The following UMODL1 variants were observed in gnomAD, a reference collection of about 807,000 sequenced individuals.
UMODL1 encodes uromodulin like 1, also known as uromodulin-like 1.
UMODL1 carries 128 observed loss-of-function variants against 136.3 expected under a neutral mutation model. That is an observed-to-expected ratio of 0.94 (90% CI 0.81 to 1.09). UMODL1 has a LOEUF of 1.09. UMODL1 is among the 50% of genes least tolerant of loss of function. The pLI, the probability that UMODL1 is intolerant of heterozygous loss-of-function variation, is 0.00. For missense variants in UMODL1, 1,766 were observed against 1,725.6 expected, an observed-to-expected ratio of 1.02 and a Z score of -0.41; for synonymous variants, 721 against 720.0, an observed-to-expected ratio of 1.00 and a Z score of -0.02.
At chr21:42,097,214 C>T (rs1396728762) in intron 6 of UMODL1, among the ~76,000 whole-genome samples, 10 of 152,222 alleles carry the variant, frequency 6.6e-5, no homozygotes, top group Admixed American at 6.5e-4. Flanking sequence ...ACATTCTACC[C>T]CACATCCTAG....
intron 7 of UMODL1, among the ~76,000 whole-genome samples, chr21:42,101,154 A>C (rs1200950123): frequency 6.6e-6 from 1 of 151,500 alleles, no homozygotes; most frequent in Admixed American, 6.6e-5. Context: ...GCCTTGTCTA[A>C]TTCCACCTTG....
At chr21:42,116,053 G>A (rs564489679) in intron 14 of UMODL1, 68 bp downstream of exon 14, 2 of 1,325,174 alleles carry the variant, frequency 1.5e-6, no homozygotes, top group African/African-American at 2.9e-5. Context: ...TAGAATTCTA[G>A]GTTAGGCACG....
At chr21:42,111,965 G>A (rs972099057) in intron 12 of UMODL1, among the ~76,000 whole-genome samples, 1 of 152,082 alleles carries the variant, frequency 6.6e-6, no homozygotes, top group African/African-American at 2.4e-5. Context: ...GCAGCAGCTG[G>A]GGCGGAGGTC....
intron 17 of UMODL1, among the ~76,000 whole-genome samples, chr21:42,124,032 C>T: frequency 6.6e-6 from 1 of 152,192 alleles, no homozygotes; most frequent in South Asian, 2.1e-4. Context: ...GCCAGTGCGT[C>T]CTGGGTCTAC....
At chr21:42,113,231 CAAGAGT>C in intron 12 of UMODL1, 1 of 199,906 alleles carries the variant, frequency 5.0e-6, no homozygotes, top group Non-Finnish European at 1.0e-5. Flanking sequence ...ACCCAGGGGT[CAAGAGT>C]AGACAGTCCA....
chr21:42,117,546 T>C (rs1195801991), intron 14 of UMODL1, among the ~76,000 whole-genome samples: 2 of 152,212 alleles, frequency 1.3e-5, no homozygotes, highest in Non-Finnish European at 2.9e-5. Flanking sequence ...CTAGTGATTT[T>C]GTTTGCACGG....
chr21:42,121,579 C>T (rs780430743), intron 16 of UMODL1, among the ~76,000 whole-genome samples: 14 of 152,268 alleles, frequency 9.2e-5, no homozygotes, highest in Middle Eastern at 6.9e-3. Flanking sequence ...CCGTGGGACA[C>T]GCGACACAGG....
At chr21:42,076,692 ACT>A (rs1274530704) in intron 2 of UMODL1, among the ~76,000 whole-genome samples, 2 of 151,938 alleles carry the variant, frequency 1.3e-5, no homozygotes, top group African/African-American at 4.8e-5. Flanking sequence ...CCAGCACTGA[ACT>A]CTCTTCTACA....
chr21:42,138,383 A>G (rs2067236992), intron 22 of UMODL1, among the ~76,000 whole-genome samples: 1 of 152,074 alleles, frequency 6.6e-6, no homozygotes, highest in Non-Finnish European at 1.5e-5. Flanking sequence ...CTTGCTGCTC[A>G]TGCCCGCAGC....
chr21:42,084,532 C>G (rs2066402872), intron 3 of UMODL1, among the ~76,000 whole-genome samples: 1 of 152,122 alleles, frequency 6.6e-6, no homozygotes, highest in Non-Finnish European at 1.5e-5. Flanking sequence ...CCTGGAGAGG[C>G]CAGGAGCTCC....
At chr21:42,070,404 A>G (rs1043442269), upstream of UMODL1, among the ~76,000 whole-genome samples, 6 of 152,262 alleles carry the variant, frequency 3.9e-5, no homozygotes, top group African/African-American at 1.4e-4. Flanking sequence ...TTAGAAATCT[A>G]CTTCACATAT....
chr21:42,075,136 G>A (rs112875647), intron 1 of UMODL1, among the ~76,000 whole-genome samples: 1 of 152,112 alleles, frequency 6.6e-6, no homozygotes, highest in African/African-American at 2.4e-5. Flanking sequence ...CTGACCTCGT[G>A]ATCCGCCCAC....
intron 14 of UMODL1, 135 bp downstream of exon 14, chr21:42,116,120 A>G (rs937139519): frequency 2.3e-5 from 10 of 443,694 alleles, no homozygotes; most frequent in African/African-American, 2.0e-4. Context: ...AGATTGCCTG[A>G]GCTCAGGAGT....
In UMODL1 at chr21:42,095,098, T is replaced by TTTTTTTTTG. The variant is rs1409616100; in HGVS notation, c.932-3820_932-3819insGTTTTTTTT. On this transcript the variant is annotated intron_variant, in intron 6 of 22. Coordinates refer to ENST00000408910, the MANE Select transcript of UMODL1 (RefSeq NM_001004416.3). ...TTTGTTTTCTTCTGCTGTTTTTTTT[T>TTTTTTTTTG]TTTTTTTTTTTTTTGAGACAGGGTC... Among the ~76,000 whole-genome samples, 25 of 123,250 alleles carry TTTTTTTTTG rather than the reference T, an allele frequency of 2.0e-4. 2 individuals carry two copies. Among genetic ancestry groups the TTTTTTTTTG allele is most frequent in the Admixed American group, 2.6e-4 (3 of 11,626 alleles). The allele number at this position is 123,250 out of a possible 152,430, so 80.9% of individuals were successfully genotyped here. A position where few individuals can be genotyped will look rare whatever the true frequency, so the allele number is the denominator to read the frequency against.
chr21:42,103,610 C>T, intron 8 of UMODL1: 1 of 618,212 alleles, frequency 1.6e-6, no homozygotes, highest in Non-Finnish European at 3.1e-6. Context: ...TGATGCTCCA[C>T]AACTGGGAGC....
At chr21:42,126,574 C>T in intron 18 of UMODL1, 84 bp downstream of exon 18, 3 of 1,579,726 alleles carry the variant, frequency 1.9e-6, no homozygotes, top group Non-Finnish European at 2.6e-6. Flanking sequence ...GTGTCAACCA[C>T]TTAAGGACCC....
At chr21:42,092,856 C>A (rs1357788156) in intron 6 of UMODL1, among the ~76,000 whole-genome samples, 2 of 87,802 alleles carry the variant, frequency 2.3e-5, no homozygotes, top group Admixed American at 2.8e-4. Flanking sequence ...TCCTTAAGCT[C>A]ATTTTTTTTT....
intron 14 of UMODL1, among the ~76,000 whole-genome samples, chr21:42,117,126 G>A (rs2066911462): frequency 6.6e-6 from 1 of 152,014 alleles, no homozygotes; most frequent in Admixed American, 6.6e-5. Context: ...TCCAGCTCCT[G>A]GTAATCACTT....
intron 21 of UMODL1, among the ~76,000 whole-genome samples, chr21:42,132,873 G>A (rs1162017822): frequency 6.6e-6 from 1 of 152,148 alleles, no homozygotes; most frequent in African/African-American, 2.4e-5. Context: ...TTTGAAAAGG[G>A]AATAATAATA....
Sources: gnomAD v4.1 joint callset for allele counts (sites outside exome capture counted in the v4.1 genomes callset) on GRCh38, gnomAD v4.1.1 for gene constraint, MANE v1.5 for transcripts, NCBI Gene and HGNC (gene_info 2026-07-23, HGNC 2026-07-21) for gene names.